The following PACRG variants were observed in gnomAD, a reference collection of about 807,000 sequenced individuals.
PACRG encodes parkin coregulated gene protein.
PACRG carries 29 observed loss-of-function variants against 29.7 expected under a neutral mutation model. That is an observed-to-expected ratio of 0.98 (90% CI 0.73 to 1.33). The LOEUF is 1.33. Among genes scored for constraint, PACRG ranks in the 40% most tolerant of loss-of-function variants. The probability of loss-of-function intolerance (pLI) is 0.00; values close to 1 mark genes in which losing one functional copy is unlikely to be tolerated. For synonymous variants in PACRG, 116 were observed against 118.7 expected (o/e 0.98, Z 0.15); for missense variants, 279 against 316.2 (o/e 0.88, Z 0.89).
chr6:163,124,965 A>G (rs1816455546), intron 4 of PACRG, among the ~76,000 whole-genome samples: 1 of 152,218 alleles, frequency 6.6e-6, no homozygotes. Context: ...GCAAATAAAT[A>G]TTTGGAATTA....
chr6:162,819,338 T>A (rs537689660), intron 2 of PACRG, among the ~76,000 whole-genome samples: 2 of 152,232 alleles, frequency 1.3e-5, no homozygotes, highest in Non-Finnish European at 2.9e-5. Flanking sequence ...CAGACTTTGT[T>A]TTGTATTAAA....
At chr6:163,162,536 G>A (rs1253838686) in intron 4 of PACRG, among the ~76,000 whole-genome samples, 1 of 152,182 alleles carries the variant, frequency 6.6e-6, no homozygotes, top group Non-Finnish European at 1.5e-5. Context: ...TGCCACAAGA[G>A]AACAGCCTCT....
chr6:163,083,156 A>G (rs2128293589), intron 3 of PACRG, among the ~76,000 whole-genome samples: 1 of 152,344 alleles, frequency 6.6e-6, no homozygotes, highest in East Asian at 1.9e-4. Context: ...TGTGAAAGGA[A>G]AATATCTTGG....
At chr6:163,086,771 G>C (rs1378531604) in intron 3 of PACRG, among the ~76,000 whole-genome samples, 1 of 152,094 alleles carries the variant, frequency 6.6e-6, no homozygotes, top group Non-Finnish European at 1.5e-5. Context: ...CAGGCATAAA[G>C]GAAGCACTTA....
chr6:162,862,044 G>A (rs757455288), intron 2 of PACRG, among the ~76,000 whole-genome samples: 24 of 152,204 alleles, frequency 1.6e-4, no homozygotes, highest in Non-Finnish European at 2.2e-4. Flanking sequence ...GGTTTTAGGC[G>A]ACAGAACTCC....
intron 4 of PACRG, among the ~76,000 whole-genome samples, chr6:163,172,434 G>A (rs1404760231): frequency 6.6e-6 from 1 of 152,192 alleles, no homozygotes; most frequent in Non-Finnish European, 1.5e-5. Flanking sequence ...TTGCCCCAGA[G>A]AAAGCCTCTT....
Position 162,789,129 on chromosome 6 carries a change from T to C in PACRG, c.157-25018T>C, listed in dbSNP as rs566802661. 3.3e-5 allele frequency among the ~76,000 whole-genome samples: 5 copies of C among 152,268 alleles called. 1 individual carries two copies. In the South Asian group the frequency reaches 8.3e-4, roughly 25 times the overall value. ...AAAGTAAATATTTGGTCTTTTATTT[T>C]GTTGTAAAACTAAAGATATGTCAAT... On this transcript the variant is annotated intron_variant, in intron 1 of 4. Transcript: ENST00000366888.
chr6:162,742,059 C>G (rs144017615), intron 1 of PACRG, among the ~76,000 whole-genome samples: 16 of 152,110 alleles, frequency 1.1e-4, no homozygotes, highest in Non-Finnish European at 1.8e-4. Context: ...CATCCCAACT[C>G]CCTCATCTCC....
chr6:163,092,910 G>GGT, intron 4 of PACRG, among the ~76,000 whole-genome samples: 1 of 152,304 alleles, frequency 6.6e-6, no homozygotes. Context: ...GTGACCCATA[G>GGT]CGCTCTCTCG....
At position 163,276,176 on chromosome 6, in the gene PACRG, G is replaced by A. The variant is rs563520854; in HGVS notation, c.614-38651G>A. On this transcript the variant is annotated intron_variant, in intron 4 of 4. Coordinates refer to ENST00000366888, the MANE Select transcript of PACRG (RefSeq NM_001080379.2). ...CACATAGCTGGGACTACAGGCGAGCGCTACCATGCCTGGCTAATTTTTGTA... is the reference window on the plus strand; with the variant it reads ...CACATAGCTGGGACTACAGGCGAGCACTACCATGCCTGGCTAATTTTTGTA... Among the ~76,000 whole-genome samples, 11 of 151,976 alleles carry A rather than the reference G, an allele frequency of 7.2e-5. No homozygotes were observed. The South Asian group carries it at 1.0e-3, about 14-fold the overall frequency.
At chr6:162,887,645 A>C (rs1182570830) in intron 2 of PACRG, among the ~76,000 whole-genome samples, 2 of 152,226 alleles carry the variant, frequency 1.3e-5, no homozygotes, top group Non-Finnish European at 2.9e-5. Context: ...AGTCTTAAGA[A>C]GTATAACTAT....
chr6:162,750,936 C>T (rs529880867), intron 1 of PACRG, among the ~76,000 whole-genome samples: 15 of 152,148 alleles, frequency 9.9e-5, no homozygotes, highest in Non-Finnish European at 1.5e-4. Flanking sequence ...TCGTGAGTTA[C>T]GTGCTCAGGA....
intron 2 of PACRG, among the ~76,000 whole-genome samples, chr6:162,816,543 G>A (rs1219543690): frequency 6.6e-6 from 1 of 151,968 alleles, no homozygotes; most frequent in Admixed American, 6.6e-5. Flanking sequence ...TAGTAGAGAC[G>A]GGGTTTCACT....
At chr6:162,883,127 G>C (rs971343116) in intron 2 of PACRG, among the ~76,000 whole-genome samples, 1 of 151,632 alleles carries the variant, frequency 6.6e-6, no homozygotes, top group Admixed American at 6.6e-5. Flanking sequence ...CAGAATTAAA[G>C]TCTATGTTTC....
chr6:162,877,587 T>TA (rs980283078), intron 2 of PACRG, among the ~76,000 whole-genome samples: 30 of 105,200 alleles, frequency 2.9e-4, no homozygotes, highest in African/African-American at 9.0e-4. Flanking sequence ...AATATAATAA[T>TA]AAAAAAAAGA....
intron 4 of PACRG, chr6:163,191,805 C>CT (rs927001635): frequency 1.3e-5 from 6 of 455,736 alleles, no homozygotes; most frequent in Middle Eastern, 3.2e-4. Flanking sequence ...TTCCAGCCAC[C>CT]TTTTTTCTCT....
At chr6:162,899,895 G>T (rs143077191) in intron 2 of PACRG, among the ~76,000 whole-genome samples, 7 of 152,168 alleles carry the variant, frequency 4.6e-5, no homozygotes, top group Non-Finnish European at 7.3e-5. Context: ...CCTGTTCCAG[G>T]TCTGAGCGCA....
At chr6:162,819,660 G>A (rs979120454) in intron 2 of PACRG, among the ~76,000 whole-genome samples, 4 of 152,166 alleles carry the variant, frequency 2.6e-5, no homozygotes, top group African/African-American at 9.7e-5. Context: ...TCACAGGGCA[G>A]GTGCCCAGGG....
chr6:163,140,727 C>CT (rs1162873223), intron 4 of PACRG, among the ~76,000 whole-genome samples: 1 of 152,004 alleles, frequency 6.6e-6, no homozygotes, highest in African/African-American at 2.4e-5. Context: ...AAATAAATTC[C>CT]TATAACAGCA....
Sources: gnomAD v4.1 joint callset for allele counts (sites outside exome capture counted in the v4.1 genomes callset) on GRCh38, gnomAD v4.1.1 for gene constraint, MANE v1.5 for transcripts, NCBI Gene and HGNC (gene_info 2026-07-23, HGNC 2026-07-21) for gene names.